The following ZBTB46 variants were observed in gnomAD, a reference collection of about 807,000 sequenced individuals.
ZBTB46 encodes the protein zinc finger and BTB domain containing 46.
In ZBTB46, 8 loss-of-function variants were observed where a neutral mutation model predicts 44.1. The ratio of observed to expected loss-of-function variants is 0.18; its 90% CI spans 0.11 to 0.33. The LOEUF is 0.33. Among genes scored for constraint, ZBTB46 ranks in the 10% least tolerant of loss-of-function variants. The pLI is 1.00. For missense variants in ZBTB46, 651 were observed against 847.7 expected (o/e 0.77, Z 2.88); for synonymous variants, 409 against 382.3 (o/e 1.07, Z -0.81).
At chr20:63,785,906 A>G (rs2092510700) in intron 2 of ZBTB46, among the ~76,000 whole-genome samples, 2 of 152,220 alleles carry the variant, frequency 1.3e-5, no homozygotes, top group Admixed American at 1.3e-4. Flanking sequence ...TACACAGCCA[A>G]AATCACTTGT....
chr20:63,814,232 CA>C (rs113002137), intron 1 of ZBTB46, among the ~76,000 whole-genome samples: 18,958 of 71,224 alleles, frequency 0.27, 1,185 homozygotes, highest in East Asian at 0.5. Context: ...GACTCCGTCT[CA>C]AAAAAAAAAA....
At chr20:63,817,235 G>A (rs2092764427) in intron 1 of ZBTB46, among the ~76,000 whole-genome samples, 1 of 152,078 alleles carries the variant, frequency 6.6e-6, no homozygotes, top group African/African-American at 2.4e-5. Flanking sequence ...GGGAGACCCT[G>A]TCCCTACAAA....
At position 63,803,746 on chromosome 20, in the gene ZBTB46, C is replaced by T. The variant is rs899117689; in HGVS notation, c.-33-12956G>A. On this transcript the variant is annotated intron_variant, in intron 1 of 4. Transcript: ENST00000245663. The surrounding 1 kb of genome is among the most constrained non-coding windows in gnomAD (Gnocchi z 4.0). Reference sequence around the variant, plus strand: ...TTTTTGTAATGGGGTCTCACTCTGTCCCCCAGGCTGGAGTGCAGTGGCGCA... The same window carrying T: ...TTTTTGTAATGGGGTCTCACTCTGTTCCCCAGGCTGGAGTGCAGTGGCGCA... Among the ~76,000 whole-genome samples the T allele has an allele frequency of 2.6e-5, 4 of 152,136 alleles. No homozygotes were observed. Among genetic ancestry groups the T allele is most frequent in the African/African-American group, 9.7e-5 (4 of 41,420 alleles).
intron 2 of ZBTB46, among the ~76,000 whole-genome samples, chr20:63,782,946 G>A (rs977739417): frequency 6.6e-6 from 1 of 152,104 alleles, no homozygotes; most frequent in African/African-American, 2.4e-5. Flanking sequence ...CCGTCATAGT[G>A]AGATCTACAT....
chr20:63,773,333 A>C (rs527869970), intron 3 of ZBTB46, among the ~76,000 whole-genome samples: 163 of 151,038 alleles, frequency 1.1e-3, no homozygotes, highest in African/African-American at 3.6e-3. Flanking sequence ...GGCTCAAGCG[A>C]TCCTCCCACC....
At chr20:63,795,049 C>G (rs556432810) in intron 1 of ZBTB46, among the ~76,000 whole-genome samples, 1 of 152,220 alleles carries the variant, frequency 6.6e-6, no homozygotes, top group Non-Finnish European at 1.5e-5. Flanking sequence ...CCAAGGGGCA[C>G]CCGCGGCTGC....
chr20:63,816,139 G>GGGCGCA (rs2092756098), intron 1 of ZBTB46, among the ~76,000 whole-genome samples: 3 of 104,142 alleles, frequency 2.9e-5, no homozygotes, highest in African/African-American at 1.3e-4. Flanking sequence ...CAGGTGCAGT[G>GGGCGCA]GGTGCAGGTG....
rs2092523653 is a variant in ZBTB46, at chr20:63,787,263, A to C, written c.937+2558T>G. Among the ~76,000 whole-genome samples the C allele has an allele frequency of 6.6e-6, 1 of 152,116 alleles. No homozygotes were observed. ...CCTGTCACCTGGTGGCGTGACAGGA[A>C]TAGCCATCGCCATCCTAGCCATCGC... On this transcript the variant is annotated intron_variant, in intron 2 of 4. Coordinates refer to ENST00000245663, the MANE Select transcript of ZBTB46 (RefSeq NM_001369741.1). This position sits in a 1 kb window ranked among gnomAD's most constrained non-coding sequence, Gnocchi z 4.6.
At chr20:63,811,203 G>A (rs1396602686) in intron 1 of ZBTB46, among the ~76,000 whole-genome samples, 2 of 151,694 alleles carry the variant, frequency 1.3e-5, no homozygotes, top group African/African-American at 4.8e-5. Context: ...AGCCCACAGG[G>A]GCGAGTCTGG....
At chr20:63,793,214 G>A (rs771094739) in intron 1 of ZBTB46, among the ~76,000 whole-genome samples, 2 of 152,222 alleles carry the variant, frequency 1.3e-5, no homozygotes, top group Non-Finnish European at 2.9e-5. Context: ...GGAGGCAAAC[G>A]CGTGTGGGTG....
intron 3 of ZBTB46, among the ~76,000 whole-genome samples, chr20:63,764,874 C>T (rs538666001): frequency 1.3e-5 from 2 of 152,088 alleles, no homozygotes; most frequent in African/African-American, 4.8e-5. Context: ...GCTGGGATTA[C>T]AGGTGTGAGC....
intron 1 of ZBTB46, among the ~76,000 whole-genome samples, chr20:63,804,758 G>A (rs2092670793): frequency 6.6e-6 from 1 of 151,728 alleles, no homozygotes; most frequent in Admixed American, 6.6e-5. Flanking sequence ...CAGGCGTGGT[G>A]GGGGGCGCCT....
chr20:63,775,396 C>T (rs3810494), intron 3 of ZBTB46: 201,539 of 364,478 alleles, frequency 0.55, 56,698 homozygotes, highest in South Asian at 0.62. Context: ...ATTCAGCCAA[C>T]GACTCCTGTG....
At chr20:63,751,351 G>A (rs764912677) in intron 4 of ZBTB46, among the ~76,000 whole-genome samples, 178 of 152,158 alleles carry the variant, frequency 1.2e-3, no homozygotes, top group Non-Finnish European at 2.3e-3. Flanking sequence ...AGGCAAATGT[G>A]GGGGCATCAG....
At chr20:63,794,481 C>T (rs1253780218) in intron 1 of ZBTB46, among the ~76,000 whole-genome samples, 1 of 152,158 alleles carries the variant, frequency 6.6e-6, no homozygotes, top group Non-Finnish European at 1.5e-5. Flanking sequence ...GCGTGAACCA[C>T]CACACCCTGA....
intron 1 of ZBTB46, among the ~76,000 whole-genome samples, chr20:63,795,230 C>T (rs2092592500): frequency 6.6e-6 from 1 of 152,258 alleles, no homozygotes; most frequent in Non-Finnish European, 1.5e-5. Flanking sequence ...ATGAAACGGG[C>T]ATCAGCATAA....
At chr20:63,773,645 G>A (rs1004556693) in intron 3 of ZBTB46, among the ~76,000 whole-genome samples, 2 of 151,760 alleles carry the variant, frequency 1.3e-5, no homozygotes, top group Non-Finnish European at 1.5e-5. Context: ...CGGCACCCAC[G>A]GGCATGTGCC....
chr20:63,830,952 C>CGCGGG (rs1364541444), intron 1 of ZBTB46, 145 bp downstream of exon 1: 3 of 140,730 alleles, frequency 2.1e-5, no homozygotes, highest in South Asian at 2.3e-4. Flanking sequence ...AGGGCGCCCC[C>CGCGGG]GCGGGGCGGG....
intron 1 of ZBTB46, among the ~76,000 whole-genome samples, chr20:63,795,105 C>T (rs2092591100): frequency 6.6e-6 from 1 of 152,252 alleles, no homozygotes; most frequent in Non-Finnish European, 1.5e-5. Context: ...CTCAGAGGGA[C>T]GCCGCCTCTG....
Sources: allele counts gnomAD v4.1 joint callset (sites outside exome capture counted in the v4.1 genomes callset), GRCh38; gene constraint gnomAD v4.1.1; non-coding constraint Gnocchi (gnomAD v3.1); transcripts MANE v1.5; gene names NCBI Gene and HGNC (gene_info 2026-07-23, HGNC 2026-07-21).